GMNC: variants seen among roughly 807,000 people sequenced by gnomAD.
The protein encoded by GMNC is geminin coiled-coil domain containing.
In GMNC, 16 loss-of-function variants were observed where a neutral mutation model predicts 33.6. The observed-to-expected ratio is 0.48, with a 90% CI of 0.32 to 0.72. The LOEUF is 0.72. Among genes scored for constraint, GMNC ranks in the 30% least tolerant of loss-of-function variants. The pLI is 0.03. For synonymous variants in GMNC, 156 were observed against 147.3 expected, an observed-to-expected ratio of 1.06 and a Z score of -0.43; for missense variants, 393 against 388.9, an observed-to-expected ratio of 1.01 and a Z score of -0.09.
rs745798945 is a variant in GMNC at position 190,852,913 on chromosome 3, A to G, written c.*2382T>C. The G allele has an allele frequency of 6.6e-6, 1 of 152,164 alleles. No individual in the cohort carries two copies. The highest frequency in any genetic ancestry group is 1.5e-5 in the Non-Finnish European group (1 of 67,982). 9.4% of individuals were successfully genotyped at this position (152,164 alleles called of 1,614,324 possible). On this transcript the variant is annotated 3_prime_UTR_variant, in exon 5 of 5. Coordinates refer to ENST00000442080, the MANE Select transcript of GMNC (RefSeq NM_001146686.3). ...GAAATGTTTAATTTCTAAAACATGAACAAAATAATTTTCTATACATAATTT... is the reference window on the plus strand; with the variant it reads ...GAAATGTTTAATTTCTAAAACATGAGCAAAATAATTTTCTATACATAATTT...
At chr3:190,851,324 T>C (rs946637736), downstream of GMNC, among the ~76,000 whole-genome samples, 20 of 152,232 alleles carry the variant, frequency 1.3e-4, no homozygotes, top group African/African-American at 4.8e-4. Context: ...TCACAGACCT[T>C]ATCCCATGTT....
rs1458603316 is a variant in GMNC, at chr3:190,862,507, G to A, written c.3+106C>T. On this transcript the variant is annotated intron_variant, in intron 1 of 4. Transcript: ENST00000442080. The surrounding 1 kb of genome is among the most constrained non-coding windows in gnomAD (Gnocchi z 4.5). ...GGATCTGTTTTAACTGGCGGGTAGC[G>A]GAGAAATCTTGCTCCGAAGGTGGAA... 13 of 837,326 alleles carry A rather than the reference G, an allele frequency of 1.6e-5. No homozygotes were observed. Among genetic ancestry groups the A allele is most frequent in the Non-Finnish European group, 2.6e-5 (13 of 494,332 alleles). 51.9% of individuals were successfully genotyped at this position (837,326 alleles called of 1,614,324 possible). A position where few individuals can be genotyped will look rare whatever the true frequency, so the allele number is the denominator to read the frequency against.
At chr3:190,846,787 A>G in the GMNC span, among the ~76,000 whole-genome samples, 5 of 152,200 alleles carry the variant, frequency 3.3e-5, no homozygotes, top group Non-Finnish European at 5.9e-5. Flanking sequence ...AAGGAAAATT[A>G]TCTTTATTTT....
chr3:190,856,964 G>T (rs1043873569), intron 4 of GMNC, among the ~76,000 whole-genome samples: 6 of 151,518 alleles, frequency 4.0e-5, no homozygotes, highest in Admixed American at 1.3e-4. Context: ...GAATTGTAAA[G>T]AAATCAAATC....
the GMNC span, among the ~76,000 whole-genome samples, chr3:190,844,152 T>C: frequency 6.6e-6 from 1 of 152,144 alleles, no homozygotes; most frequent in Non-Finnish European, 1.5e-5. Flanking sequence ...ATTCTTTGCT[T>C]TAGGAGGATA....
In GMNC at chr3:190,853,465, T is replaced by C. The variant is rs1232877977; in HGVS notation, c.*1830A>G. ...AAGTACTCCAGAGAGTAATATTAAT[T>C]ACTATATTGGATTTTCTTCATAAAT... is the stretch of plus-strand genomic sequence containing the variant. On this transcript the variant is annotated 3_prime_UTR_variant, in exon 5 of 5. Transcript: ENST00000442080. The C allele has an allele frequency of 6.6e-6, 1 of 152,118 alleles. No homozygotes were observed. Among genetic ancestry groups the C allele is most frequent in the Non-Finnish European group, 1.5e-5 (1 of 67,996 alleles). The allele number at this position is 152,118 out of a possible 1,614,324, so 9.4% of individuals were successfully genotyped here.
chr3:190,847,791 G>C (rs909911982), downstream of GMNC, among the ~76,000 whole-genome samples: 5 of 152,166 alleles, frequency 3.3e-5, no homozygotes, highest in Non-Finnish European at 1.5e-5. Context: ...GGAGGGTTAG[G>C]ATAGGCTCTT....
At chr3:190,857,068 C>G (rs780458799) in intron 4 of GMNC, among the ~76,000 whole-genome samples, 1 of 148,752 alleles carries the variant, frequency 6.7e-6, no homozygotes, top group Non-Finnish European at 1.5e-5. Flanking sequence ...TGCAGCTTGT[C>G]TAGAAGTATG....
chr3:190,858,163 A>G, intron 3 of GMNC: 1 of 372,426 alleles, frequency 2.7e-6, no homozygotes, highest in Non-Finnish European at 4.9e-6. Flanking sequence ...CCACAAGCGA[A>G]TCAGGTAGAT....
the GMNC span, among the ~76,000 whole-genome samples, chr3:190,843,980 T>C: frequency 2.5e-3 from 382 of 152,322 alleles, 5 homozygotes; most frequent in African/African-American, 8.8e-3. Flanking sequence ...AACTAGGCAA[T>C]TAATAGAAGG....
intron 2 of GMNC, 86 bp downstream of exon 2, chr3:190,860,598 C>G (rs751988747): frequency 3.3e-4 from 392 of 1,174,478 alleles, no homozygotes; most frequent in Non-Finnish European, 4.3e-4. Flanking sequence ...GTCCCTTATT[C>G]TAGAGTCCCA....
the GMNC span, among the ~76,000 whole-genome samples, chr3:190,845,553 A>G: frequency 4.0e-5 from 5 of 125,940 alleles, no homozygotes; most frequent in Admixed American, 5.1e-4. Flanking sequence ...TCTATCCCCC[A>G]GACTGGAGTG....
chr3:190,851,610 A>G (rs1302367926), downstream of GMNC, among the ~76,000 whole-genome samples: 1 of 152,188 alleles, frequency 6.6e-6, no homozygotes, highest in African/African-American at 2.4e-5. Context: ...AACGGAGGCT[A>G]TATCTCAGCT....
Position 190,854,366 on chromosome 3 carries a change from G to A in GMNC, c.*929C>T, listed in dbSNP as rs1288230558. The stretch of plus-strand genomic sequence containing the variant: ...ATAGCATAGTGCCTGGTACAAAGTA[G>A]GCATTAGGTATTCTACAGATTTCTT... On this transcript the variant is annotated 3_prime_UTR_variant, in exon 5 of 5. Coordinates refer to ENST00000442080, the MANE Select transcript of GMNC (RefSeq NM_001146686.3). 1 of 152,154 alleles carries A rather than the reference G, an allele frequency of 6.6e-6. No homozygotes were observed. The highest frequency in any genetic ancestry group is 1.5e-5 in the Non-Finnish European group (1 of 68,010). The allele number at this position is 152,154 out of a possible 1,614,324, so 9.4% of individuals were successfully genotyped here. A position where few individuals can be genotyped will look rare whatever the true frequency, so the allele number is the denominator to read the frequency against.
chr3:190,862,596 G>A lies in GMNC; in HGVS notation c.3+17C>T, dbSNP rs1415182665. The A allele has an allele frequency of 1.3e-6, 2 of 1,547,424 alleles. No homozygotes were observed. Among genetic ancestry groups the A allele is most frequent in the East Asian group, 2.4e-5 (1 of 40,920 alleles). ...CAAGTTTGCCAGCGGACTAGCTAAC[G>A]CCAGTTCCTCACTTACCATCTTGCA... On this transcript the variant is annotated intron_variant, in intron 1 of 4. Transcript: ENST00000442080. The surrounding 1 kb of genome is among the most constrained non-coding windows in gnomAD (Gnocchi z 4.5).
Position 190,862,583 on chromosome 3 carries a change from C to T in GMNC, c.3+30G>A, listed in dbSNP as rs960168192. 4.6e-6 allele frequency: 7 copies of T among 1,520,634 alleles called. No homozygotes were observed. Among genetic ancestry groups the T allele is most frequent in the Non-Finnish European group, 5.4e-6 (6 of 1,118,322 alleles). 94.2% of individuals were successfully genotyped at this position (1,520,634 alleles called of 1,614,324 possible). ...ACTTTCAGAGACCCAAGTTTGCCAG[C>T]GGACTAGCTAACGCCAGTTCCTCAC... On this transcript the variant is annotated intron_variant, in intron 1 of 4. Transcript: ENST00000442080. The surrounding 1 kb of genome is among the most constrained non-coding windows in gnomAD (Gnocchi z 4.5).
chr3:190,859,034 G>A lies in GMNC; in HGVS notation c.179-18C>T. On this transcript the variant is annotated intron_variant, in intron 2 of 4. Transcript: ENST00000442080. ...GAATGATTCTGTGAAAATACAAATA[G>A]ATAACTGAGAAAATAATCTTGTAGT... 1.4e-6 allele frequency: 2 copies of A among 1,406,002 alleles called. No individual in the cohort carries two copies. The highest frequency in any genetic ancestry group is 3.5e-4 in the Middle Eastern group (2 of 5,720). The allele number at this position is 1,406,002 out of a possible 1,614,324, so 87.1% of individuals were successfully genotyped here.
intron 3 of GMNC, 36 bp from the exon 4 acceptor site, chr3:190,857,935 T>C: frequency 4.6e-6 from 5 of 1,096,172 alleles, no homozygotes; most frequent in Non-Finnish European, 6.8e-6. Flanking sequence ...GCTGCTCCAC[T>C]ATATTGACTT....
At position 190,855,379 on chromosome 3, in the gene GMNC, A is replaced by T. The variant is rs1737710015; in HGVS notation, c.921T>A (p.Thr307=). ...TSLSPHCNVK[T]HSFHQGQAFV... is the part of the protein sequence containing the mutation. Reference sequence around the variant, plus strand: ...AGGCTTGTCCCTGGTGGAAGGAATGAGTTTTCACATTACAATGAGGGCTCA... The same window carrying T: ...AGGCTTGTCCCTGGTGGAAGGAATGTGTTTTCACATTACAATGAGGGCTCA... Residue 307 remains threonine (T), a synonymous_variant, in exon 5 of 5, where the codon ACT becomes ACA. Coordinates refer to ENST00000442080, the MANE Select transcript of GMNC (RefSeq NM_001146686.3). 2 of 1,551,838 alleles carry T rather than the reference A, an allele frequency of 1.3e-6. No individual in the cohort carries two copies. The highest frequency in any genetic ancestry group is 2.7e-5 in the African/African-American group (2 of 73,004).
Sources: gnomAD v4.1 joint callset for allele counts (sites outside exome capture counted in the v4.1 genomes callset) on GRCh38, gnomAD v4.1.1 for gene constraint, Gnocchi (gnomAD v3.1) non-coding constraint, MANE v1.5 for transcripts, NCBI Gene and HGNC (gene_info 2026-07-23, HGNC 2026-07-21) for gene names.